AMBN: variants seen among roughly 807,000 people sequenced by gnomAD.
AMBN encodes the protein ameloblastin.
Under a neutral mutation model 48.0 loss-of-function variants are expected in AMBN, and 54 were observed. The ratio of observed to expected loss-of-function variants is 1.12; its 90% confidence interval spans 0.90 to 1.41. The LOEUF (loss-of-function observed/expected upper bound fraction) is 1.41, where lower values mean the gene tolerates loss of function less well. Ranked by LOEUF, AMBN falls within the 40% of genes most tolerant of loss-of-function variation. AMBN has a pLI of 0.00. For synonymous variants in AMBN, 186 were observed against 190.0 expected (o/e 0.98, Z 0.17); for missense variants, 571 against 547.3 (o/e 1.04, Z -0.43).
At chr4:70,593,222 G>T (rs2109798511) in intron 1 of AMBN, 105 bp from the exon 2 acceptor site, 1 of 821,412 alleles carries the variant, frequency 1.2e-6, no homozygotes, top group African/African-American at 1.7e-5. Context: ...TTATCCCGGT[G>T]GTTTTTGTAA....
At chr4:70,595,026 C>A (rs1333553091) in intron 2 of AMBN, among the ~76,000 whole-genome samples, 3 of 152,014 alleles carry the variant, frequency 2.0e-5, no homozygotes, top group Non-Finnish European at 2.9e-5. Flanking sequence ...TATGCACTGG[C>A]AAATAGTGGG....
At chr4:70,600,292 G>C (rs1419809985) in intron 5 of AMBN, among the ~76,000 whole-genome samples, 3 of 151,846 alleles carry the variant, frequency 2.0e-5, no homozygotes, top group African/African-American at 7.2e-5. Context: ...CTGGGCAATA[G>C]AGTGAGACTC....
rs768407132 is a variant in AMBN at position 70,602,820 on chromosome 4, A to C, written c.593A>C (p.Asp198Ala). 1.6e-5 allele frequency: 26 copies of C among 1,592,418 alleles called. No individual in the cohort carries two copies. Among genetic ancestry groups the C allele is most frequent in the Non-Finnish European group, 2.1e-5 (25 of 1,168,616 alleles). ...TAGCTCCCAGGAATGGATTTTCCTG[A>C]TCCACAAGGTCCATCAGTAAGTACA... is the stretch of plus-strand genomic sequence containing the variant. ...GPSLPGMDFP[D>A]PQGPSLPGLD... Residue 198 changes from aspartate to alanine, a missense_variant, in exon 8 of 13, where the codon GAT becomes GCT. Physicochemically the swap from Asp to Ala is moderately radical, Grantham distance 126. Coordinates refer to ENST00000322937, the MANE Select transcript of AMBN (RefSeq NM_016519.6).
At chr4:70,603,776 A>C in intron 11 of AMBN, 101 bp from the exon 12 acceptor site, 1 of 1,257,972 alleles carries the variant, frequency 7.9e-7, no homozygotes, top group South Asian at 1.3e-5. Context: ...CACAGCATTA[A>C]TATTAAGGTT....
chr4:70,598,501 T>C, intron 4 of AMBN, 98 bp downstream of exon 4: 1 of 951,990 alleles, frequency 1.1e-6, no homozygotes. Flanking sequence ...ATAGACAATA[T>C]ACTAAAGATT....
At chr4:70,594,495 C>T (rs1159990344) in intron 2 of AMBN, among the ~76,000 whole-genome samples, 1 of 152,118 alleles carries the variant, frequency 6.6e-6, no homozygotes, top group African/African-American at 2.4e-5. Flanking sequence ...CACAGTTGGC[C>T]TCAAATGAAC....
rs760629885 is a variant in AMBN at position 70,606,488 on chromosome 4, C to A, written c.1102C>A (p.Pro368Thr). 13 of 1,613,978 alleles carry A rather than the reference C, an allele frequency of 8.1e-6. No homozygotes were observed. The highest frequency in any genetic ancestry group is 4.4e-5 in the South Asian group (4 of 91,076). Residue 368 changes from proline (P) to threonine (T), a missense_variant, in exon 13 of 13, where the codon CCT becomes ACT. Physicochemically the swap from Pro to Thr is conservative, Grantham distance 38. Transcript: ENST00000322937. ...KDDIPGLPRSPSGKMKGLPSV... is the reference protein window; with the variant it reads ...KDDIPGLPRSTSGKMKGLPSV... ...TGACATTCCCGGCCTGCCAAGGAGC[C>A]CTTCAGGGAAGATGAAGGGACTCCC...
In AMBN at chr4:70,603,247, C is replaced by G. The variant is rs1321563491; in HGVS notation, c.649-13C>G. The G allele has an allele frequency of 1.2e-6, 2 of 1,611,492 alleles. No homozygotes were observed. On this transcript the variant is annotated splice_polypyrimidine_tract_variant and intron_variant, in intron 9 of 12. Transcript: ENST00000322937. ...CTGTGAGAATTACTTATTCTGTTTTCTACCATTTAAAGATTTTCCAAATAG... is the reference window on the plus strand; with the variant it reads ...CTGTGAGAATTACTTATTCTGTTTTGTACCATTTAAAGATTTTCCAAATAG...
chr4:70,598,168 CAAT>C (rs1383093014), intron 3 of AMBN, among the ~76,000 whole-genome samples, 185 bp from the exon 4 acceptor site: 5 of 152,172 alleles, frequency 3.3e-5, no homozygotes, highest in African/African-American at 1.2e-4. Context: ...ATTTTAATAG[CAAT>C]AATAATAACA....
At chr4:70,604,520 ACAAGG>A (rs1560389497) in intron 12 of AMBN, among the ~76,000 whole-genome samples, 1 of 141,076 alleles carries the variant, frequency 7.1e-6, no homozygotes, top group Non-Finnish European at 1.5e-5. Context: ...CTGTTAGAGC[ACAAGG>A]CAAGACAAAA....
At chr4:70,602,063 G>A (rs1259629627) in intron 6 of AMBN, among the ~76,000 whole-genome samples, 3 of 152,014 alleles carry the variant, frequency 2.0e-5, no homozygotes, top group Non-Finnish European at 2.9e-5. Context: ...TGACAAAGAG[G>A]TGACCACTAT....
intron 2 of AMBN, among the ~76,000 whole-genome samples, chr4:70,595,833 G>GA (rs1410331065): frequency 6.6e-6 from 1 of 151,976 alleles, no homozygotes; most frequent in African/African-American, 2.4e-5. Flanking sequence ...GGTTTCAAAA[G>GA]AAAAATATAT....
At chr4:70,606,130 G>A (rs906094854) in intron 12 of AMBN, 55 bp from the exon 13 acceptor site, 1 of 1,585,358 alleles carries the variant, frequency 6.3e-7, no homozygotes, top group African/African-American at 1.3e-5. Flanking sequence ...ATAGCTGCAT[G>A]GTATAGTTAA....
At position 70,599,596 on chromosome 4, in the gene AMBN, C is replaced by G; in HGVS notation, c.244C>G (p.Pro82Ala). The G allele has an allele frequency of 6.2e-7, 1 of 1,613,748 alleles. No homozygotes were observed. The part of the protein sequence containing the change: ...NSLWMHGLLP[P>A]HSSLPWMRPR... ...TTTGTGGATGCACGGTCTCCTCCCACCACATTCCTCTCTTCCATGGATGAG... is the reference window on the plus strand; with the variant it reads ...TTTGTGGATGCACGGTCTCCTCCCAGCACATTCCTCTCTTCCATGGATGAG... The change falls in exon 5 of 13, where the codon CCA becomes GCA. Residue 82 changes from proline to alanine, a missense_variant. Coordinates refer to ENST00000322937, the MANE Select transcript of AMBN (RefSeq NM_016519.6).
intron 12 of AMBN, among the ~76,000 whole-genome samples, chr4:70,605,608 T>C (rs1193943156): frequency 1.3e-5 from 2 of 151,740 alleles, no homozygotes; most frequent in East Asian, 3.8e-4. Flanking sequence ...ATTTTTTTTC[T>C]TAAACTTTGT....
chr4:70,592,499 T>C, intron 1 of AMBN, 126 bp downstream of exon 1: 1 of 1,022,906 alleles, frequency 9.8e-7, no homozygotes, highest in Non-Finnish European at 1.5e-6. Flanking sequence ...CTTGTTGTAA[T>C]CCATTAGCAT....
At chr4:70,602,198 T>C (rs982329416) in intron 6 of AMBN, among the ~76,000 whole-genome samples, 1 of 152,134 alleles carries the variant, frequency 6.6e-6, no homozygotes, top group Non-Finnish European at 1.5e-5. Flanking sequence ...TACAATCCTA[T>C]AAAAATATAT....
intron 7 of AMBN, 27 bp downstream of exon 7, chr4:70,602,689 T>C (rs1288455781): frequency 1.3e-6 from 2 of 1,537,094 alleles, no homozygotes; most frequent in Admixed American, 3.9e-5. Context: ...ATGAGACACT[T>C]TCTGTATTTT....
At chr4:70,597,276 C>G (rs1253129822) in intron 3 of AMBN, among the ~76,000 whole-genome samples, 1 of 151,926 alleles carries the variant, frequency 6.6e-6, no homozygotes, top group Non-Finnish European at 1.5e-5. Flanking sequence ...CTATGCAAAC[C>G]AAAGCAATAT....
Sources: allele counts gnomAD v4.1 joint callset (sites outside exome capture counted in the v4.1 genomes callset), GRCh38; gene constraint gnomAD v4.1.1; transcripts MANE v1.5; gene names NCBI Gene and HGNC (gene_info 2026-07-23, HGNC 2026-07-21).